RAB1A: variants seen among roughly 807,000 people sequenced by gnomAD.
The protein encoded by RAB1A is ras-related protein Rab-1A.
Under a neutral mutation model 26.0 loss-of-function variants are expected in RAB1A, and 2 were observed. The observed-to-expected ratio is 0.08, with a 90% CI of 0.03 to 0.24. RAB1A has a LOEUF of 0.24. Ranked by LOEUF, RAB1A falls within the 10% of genes least tolerant of loss-of-function variation. The probability of loss-of-function intolerance (pLI) is 1.00; values close to 1 mark genes in which losing one functional copy is unlikely to be tolerated. For synonymous variants in RAB1A, 84 were observed against 84.9 expected (o/e 0.99, Z 0.06); for missense variants, 100 against 247.0 (o/e 0.40, Z 3.99).
chr2:65,116,272 C>G (rs1324685365), intron 1 of RAB1A, among the ~76,000 whole-genome samples: 2 of 152,192 alleles, frequency 1.3e-5, no homozygotes, highest in Non-Finnish European at 2.9e-5. Context: ...AAAGGGTAGA[C>G]AGTCTTTAAT....
In RAB1A at chr2:65,127,602, T is replaced by G. The variant is rs186971495; in HGVS notation, c.23+2291A>C. On this transcript the variant is annotated intron_variant, in intron 1 of 5. Transcript: ENST00000409784. ...TTAGCCGGGAGTGGTGGCACATGCC[T>G]GTAATCCCAACTTCTCGGGAATCTG... is the stretch of plus-strand genomic sequence containing the variant. 4.9e-3 allele frequency among the ~76,000 whole-genome samples: 745 copies of G among 152,312 alleles called. 6 individuals carry two copies. The highest frequency in any genetic ancestry group is 8.0e-3 in the Non-Finnish European group (541 of 68,024).
At chr2:65,110,686 C>T (rs973201888) in intron 1 of RAB1A, among the ~76,000 whole-genome samples, 1 of 151,556 alleles carries the variant, frequency 6.6e-6, no homozygotes, top group Non-Finnish European at 1.5e-5. Flanking sequence ...TAATTCCCAC[C>T]TACTTGTAAG....
At chr2:65,109,153 C>T (rs1040200117) in intron 1 of RAB1A, among the ~76,000 whole-genome samples, 1 of 152,118 alleles carries the variant, frequency 6.6e-6, no homozygotes, top group African/African-American at 2.4e-5. Context: ...ATTCATTGTT[C>T]TGAGTTTGCT....
rs573530183 is a variant in RAB1A, at chr2:65,124,258, G to A, written c.23+5635C>T. Among the ~76,000 whole-genome samples, 10 of 152,148 alleles carry A rather than the reference G, an allele frequency of 6.6e-5. No individual in the cohort carries two copies. In the South Asian group the frequency reaches 2.1e-3, roughly 32 times the overall value. ...CTCGGCCTCCCAAACTGCTATTACAGGCGTGAGACACCTCGCCCAGCCAAA... is the reference window on the plus strand; with the variant it reads ...CTCGGCCTCCCAAACTGCTATTACAAGCGTGAGACACCTCGCCCAGCCAAA... On this transcript the variant is annotated intron_variant, in intron 1 of 5. Coordinates refer to ENST00000409784, the MANE Select transcript of RAB1A (RefSeq NM_004161.5).
At chr2:65,125,526 ACT>A (rs1457714444) in intron 1 of RAB1A, among the ~76,000 whole-genome samples, 1 of 144,514 alleles carries the variant, frequency 6.9e-6, no homozygotes, top group African/African-American at 2.6e-5. Flanking sequence ...GGTTCAAGTG[ACT>A]CTCCTGCCTC....
intron 1 of RAB1A, among the ~76,000 whole-genome samples, chr2:65,120,660 A>T (rs2103878238): frequency 6.6e-6 from 1 of 152,176 alleles, no homozygotes; most frequent in South Asian, 2.1e-4. Context: ...CTTTATGCAA[A>T]ATGTTATATG....
At chr2:65,112,666 A>T (rs1669728166) in intron 1 of RAB1A, among the ~76,000 whole-genome samples, 1 of 152,236 alleles carries the variant, frequency 6.6e-6, no homozygotes, top group Non-Finnish European at 1.5e-5. Flanking sequence ...AAAACAGTTA[A>T]GGTAAGAATG....
chr2:65,097,604 G>A (rs1256023001), intron 3 of RAB1A, among the ~76,000 whole-genome samples: 1 of 152,046 alleles, frequency 6.6e-6, no homozygotes, highest in Non-Finnish European at 1.5e-5. Flanking sequence ...TCTTCCTAGG[G>A]TTCCTTTAAT....
chr2:65,089,578 C>T (rs982790223), intron 4 of RAB1A, among the ~76,000 whole-genome samples: 4 of 152,044 alleles, frequency 2.6e-5, no homozygotes, highest in Admixed American at 1.3e-4. Context: ...ACAGGCTTAA[C>T]GATGAAAATA....
intron 1 of RAB1A, among the ~76,000 whole-genome samples, chr2:65,115,722 T>A (rs2103869095): frequency 6.6e-6 from 1 of 152,252 alleles, no homozygotes; most frequent in East Asian, 1.9e-4. Flanking sequence ...TAAAAAAAAA[T>A]GCTTCCATTC....
rs938888808 is a variant in RAB1A at position 65,088,005 on chromosome 2, G to A, written c.*488C>T. On this transcript the variant is annotated 3_prime_UTR_variant, in exon 6 of 6. Coordinates refer to ENST00000409784, the MANE Select transcript of RAB1A (RefSeq NM_004161.5). ...GTATGAAGAAACTATTAATCAGATA[G>A]TGTAATCTTTCCATTTATAACTCTA... 2.6e-5 allele frequency: 4 copies of A among 153,524 alleles called. No individual in the cohort carries two copies. The highest frequency in any genetic ancestry group is 9.6e-5 in the African/African-American group (4 of 41,468). 9.5% of individuals were successfully genotyped at this position (153,524 alleles called of 1,614,324 possible).
intron 1 of RAB1A, among the ~76,000 whole-genome samples, chr2:65,113,835 G>T (rs1003234283): frequency 6.6e-6 from 1 of 152,218 alleles, no homozygotes. Flanking sequence ...CACTCTGAGA[G>T]GCTGGAGCAG....
chr2:65,130,008 GA>G lies in RAB1A; in HGVS notation c.-94del. 7.2e-7 allele frequency: 1 copy of G among 1,381,638 alleles called. No individual in the cohort carries two copies. Among genetic ancestry groups the G allele is most frequent in the South Asian group, 1.2e-5 (1 of 80,676 alleles). 85.6% of individuals were successfully genotyped at this position (1,381,638 alleles called of 1,614,324 possible). A position where few individuals can be genotyped will look rare whatever the true frequency, so the allele number is the denominator to read the frequency against. On this transcript the variant is annotated 5_prime_UTR_variant, in exon 1 of 6. Coordinates refer to ENST00000409784, the MANE Select transcript of RAB1A (RefSeq NM_004161.5). The stretch of plus-strand genomic sequence containing the variant: ...CCACGGGTAATCGAAAGAAAGGAAT[GA>G]GATAGGCTGTTCCGGGAGAGCAAAC...
chr2:65,091,722 G>A (rs553860122), intron 3 of RAB1A, among the ~76,000 whole-genome samples: 21 of 151,954 alleles, frequency 1.4e-4, no homozygotes, highest in Non-Finnish European at 2.6e-4. Context: ...ACAGAGTCTC[G>A]CTACATTGCC....
intron 1 of RAB1A, among the ~76,000 whole-genome samples, chr2:65,127,859 G>C (rs1223311635): frequency 1.3e-5 from 2 of 152,040 alleles, no homozygotes; most frequent in East Asian, 3.9e-4. Context: ...TCAGCCTCTC[G>C]AGTAGCTGGG....
At chr2:65,096,529 C>T (rs912941076) in intron 3 of RAB1A, among the ~76,000 whole-genome samples, 2 of 152,172 alleles carry the variant, frequency 1.3e-5, no homozygotes, top group Admixed American at 6.5e-5. Flanking sequence ...TACAATTATT[C>T]CATACCAGTG....
In RAB1A at chr2:65,109,956, G is replaced by A. The variant is rs371289725; in HGVS notation, c.24-5150C>T. 6.2e-4 allele frequency among the ~76,000 whole-genome samples: 94 copies of A among 152,188 alleles called. 1 individual carries two copies. In the South Asian group the frequency reaches 0.018, roughly 29 times the overall value. On this transcript the variant is annotated intron_variant, in intron 1 of 5. Coordinates refer to ENST00000409784, the MANE Select transcript of RAB1A (RefSeq NM_004161.5). ...AAGGTAAGCTGACTTACTCATCTAC[G>A]TATACAAGGATCTAGCACTGTGCCT...
In RAB1A at chr2:65,090,288, T is replaced by C. The variant is rs568154572; in HGVS notation, c.288+695A>G. On this transcript the variant is annotated intron_variant, in intron 4 of 5. Transcript: ENST00000409784. ...TATGATTTCTCATTAGAGGTGAGAT[T>C]TAACATTTGCCAAAAGAAAAATAAA... 1.4e-4 allele frequency among the ~76,000 whole-genome samples: 22 copies of C among 152,338 alleles called. No individual in the cohort carries two copies. The South Asian group carries it at 4.4e-3, about 30-fold the overall frequency.
At chr2:65,116,385 G>A (rs936474626) in intron 1 of RAB1A, among the ~76,000 whole-genome samples, 5 of 151,988 alleles carry the variant, frequency 3.3e-5, no homozygotes, top group Admixed American at 1.3e-4. Context: ...TGGAAGACCC[G>A]TACTTGAATT....
Sources: allele counts gnomAD v4.1 joint callset (sites outside exome capture counted in the v4.1 genomes callset), GRCh38; gene constraint gnomAD v4.1.1; transcripts MANE v1.5; gene names NCBI Gene and HGNC (gene_info 2026-07-23, HGNC 2026-07-21).